Variants in DAB1 observed in about 807,000 individuals in gnomAD.
DAB1 encodes disabled homolog 1.
A neutral mutation model predicts 64.6 loss-of-function variants in DAB1; 15 were observed. The observed-to-expected ratio is 0.23, with a 90% CI of 0.16 to 0.36. The LOEUF (loss-of-function observed/expected upper bound fraction) is 0.36. Ranked by LOEUF, DAB1 falls within the 10% of genes least tolerant of loss-of-function variation. The pLI is 1.00. For missense variants in DAB1, 596 were observed against 706.7 expected, an observed-to-expected ratio of 0.84 and a Z score of 1.78; for synonymous variants, 235 against 251.9, an observed-to-expected ratio of 0.93 and a Z score of 0.64.
chr1:57,175,315 A>AT (rs35191101), intron 2 of DAB1, among the ~76,000 whole-genome samples: 8,056 of 143,936 alleles, frequency 0.056, 313 homozygotes, highest in South Asian at 0.15. Flanking sequence ...CAGACTTTAA[A>AT]TTTTTTTTTT....
chr1:57,699,603 G>C (rs1455201815), intron 6 of DAB1, among the ~76,000 whole-genome samples: 9 of 152,114 alleles, frequency 5.9e-5, no homozygotes, highest in African/African-American at 1.9e-4. Flanking sequence ...CTAACTTACA[G>C]AGGAAAAATT....
chr1:58,234,102 T>C (rs1339976607), intron 4 of DAB1, among the ~76,000 whole-genome samples: 1 of 152,204 alleles, frequency 6.6e-6, no homozygotes, highest in Admixed American at 6.5e-5. Context: ...AAATAAAGGC[T>C]AGGCCCAAAG....
intron 1 of DAB1, among the ~76,000 whole-genome samples, chr1:57,324,219 A>T (rs1289232958): frequency 6.6e-6 from 1 of 152,182 alleles, no homozygotes; most frequent in East Asian, 1.9e-4. Context: ...CGTTAAGTGA[A>T]CCAATCTAAA....
At chr1:57,413,305 C>G (rs1570477018) in intron 1 of DAB1, among the ~76,000 whole-genome samples, 1 of 152,200 alleles carries the variant, frequency 6.6e-6, no homozygotes, top group African/African-American at 2.4e-5. Context: ...AAAACATCTA[C>G]TCTGCAGCCC....
chr1:58,112,888 C>G (rs780906324), intron 5 of DAB1, among the ~76,000 whole-genome samples: 3 of 152,190 alleles, frequency 2.0e-5, no homozygotes, highest in Non-Finnish European at 4.4e-5. Context: ...TGTGGGGACA[C>G]TCTTCCCTGA....
intron 1 of DAB1, among the ~76,000 whole-genome samples, chr1:58,544,310 G>A (rs542375947): frequency 1.7e-4 from 26 of 151,910 alleles, no homozygotes; most frequent in South Asian, 1.0e-3. Context: ...TAAATGCTAG[G>A]CACCATAATG....
intron 1 of DAB1, among the ~76,000 whole-genome samples, chr1:57,405,386 A>T (rs1287386679): frequency 6.6e-6 from 1 of 152,204 alleles, no homozygotes; most frequent in Admixed American, 6.5e-5. Context: ...AAATGGTCCA[A>T]TGTACCCCTT....
At chr1:58,045,719 C>T (rs1226167448) in intron 5 of DAB1, among the ~76,000 whole-genome samples, 1 of 152,122 alleles carries the variant, frequency 6.6e-6, no homozygotes, top group Non-Finnish European at 1.5e-5. Flanking sequence ...CCCCTTTCTT[C>T]CCTTGCATCT....
At chr1:57,554,565 T>C (rs779970767) in intron 7 of DAB1, among the ~76,000 whole-genome samples, 3 of 152,230 alleles carry the variant, frequency 2.0e-5, no homozygotes, top group Non-Finnish European at 4.4e-5. Flanking sequence ...AACCCAATCA[T>C]GTTGCCTTTG....
chr1:58,172,223 G>A (rs1286113493), intron 4 of DAB1, among the ~76,000 whole-genome samples: 1 of 152,208 alleles, frequency 6.6e-6, no homozygotes, highest in Non-Finnish European at 1.5e-5. Flanking sequence ...CTCTTTATAT[G>A]TCAGGGAGAG....
At position 57,250,905 on chromosome 1, in the gene DAB1, C is replaced by T. The variant is rs532275782; in HGVS notation, c.67+40059G>A. ...CTAGCGTCATCCAGATGGCATTTTT[C>T]GCAGCCAGGATTTGAACTTACATCT... is the stretch of plus-strand genomic sequence containing the variant. On this transcript the variant is annotated intron_variant, in intron 2 of 14. Coordinates refer to ENST00000371236, the MANE Select transcript of DAB1 (RefSeq NM_001365792.1). 1.2e-4 allele frequency among the ~76,000 whole-genome samples: 19 copies of T among 152,260 alleles called. No homozygotes were observed. The South Asian group carries it at 3.5e-3, about 28-fold the overall frequency.
intron 6 of DAB1, among the ~76,000 whole-genome samples, chr1:57,684,155 T>C (rs2101702381): frequency 6.6e-6 from 1 of 152,200 alleles, no homozygotes. Flanking sequence ...TTGATATTCC[T>C]GAGAGAAAAG....
At chr1:58,260,495 T>C (rs1358629035) in intron 4 of DAB1, among the ~76,000 whole-genome samples, 1 of 151,948 alleles carries the variant, frequency 6.6e-6, no homozygotes, top group East Asian at 1.9e-4. Flanking sequence ...TGCCCATCCC[T>C]CTCCTCAATA....
chr1:57,607,543 T>C (rs979922873), intron 7 of DAB1, among the ~76,000 whole-genome samples: 1 of 152,214 alleles, frequency 6.6e-6, no homozygotes, highest in Non-Finnish European at 1.5e-5. Context: ...TTGCATCCTA[T>C]ACAAAAGCCT....
intron 4 of DAB1, among the ~76,000 whole-genome samples, chr1:57,088,445 TAA>T (rs957040892): frequency 6.6e-6 from 1 of 152,174 alleles, no homozygotes; most frequent in Non-Finnish European, 1.5e-5. Flanking sequence ...AGTGCCTGCC[TAA>T]GAAAACTCAG....
intron 6 of DAB1, among the ~76,000 whole-genome samples, chr1:57,773,330 G>C (rs1038108442): frequency 3.5e-5 from 5 of 144,520 alleles, no homozygotes; most frequent in Admixed American, 2.2e-4. Flanking sequence ...TTATCTTCTT[G>C]TTATTGAGTT....
intron 7 of DAB1, among the ~76,000 whole-genome samples, chr1:57,470,312 C>A (rs559452467): frequency 6.6e-6 from 1 of 152,218 alleles, no homozygotes; most frequent in Non-Finnish European, 1.5e-5. Flanking sequence ...TTTGCAACTG[C>A]AGCTTTTCAC....
chr1:58,497,737 A>C (rs1189451070), intron 3 of DAB1, among the ~76,000 whole-genome samples: 1 of 152,182 alleles, frequency 6.6e-6, no homozygotes. Context: ...GGAAACTCTT[A>C]TCAACAAAGA....
chr1:57,482,374 T>C (rs1487834674), intron 7 of DAB1, among the ~76,000 whole-genome samples: 2 of 145,256 alleles, frequency 1.4e-5, no homozygotes, highest in Non-Finnish European at 3.0e-5. Context: ...TGAAGAATCA[T>C]CAAATAAATA....
Sources: gnomAD v4.1 joint callset for allele counts (sites outside exome capture counted in the v4.1 genomes callset) on GRCh38, gnomAD v4.1.1 for gene constraint, MANE v1.5 for transcripts, NCBI Gene and HGNC (gene_info 2026-07-23, HGNC 2026-07-21) for gene names.